NXN: variants seen among roughly 807,000 people sequenced by gnomAD.
NXN encodes the protein nucleoredoxin 1.
A neutral mutation model predicts 48.6 loss-of-function variants in NXN; 16 were observed. The ratio of observed to expected loss-of-function variants is 0.33; its 90% CI spans 0.22 to 0.50. The LOEUF (loss-of-function observed/expected upper bound fraction) is 0.50. NXN is among the 20% of genes least tolerant of loss of function. NXN has a pLI of 0.98. For synonymous variants in NXN, 281 were observed against 269.6 expected, an observed-to-expected ratio of 1.04 and a Z score of -0.41; for missense variants, 492 against 605.5, an observed-to-expected ratio of 0.81 and a Z score of 1.97.
intron 5 of NXN, among the ~76,000 whole-genome samples, chr17:818,701 T>C (rs1376508403): frequency 1.3e-5 from 2 of 152,154 alleles, no homozygotes; most frequent in African/African-American, 4.8e-5. Context: ...CTGGCCAACA[T>C]GGTGAAACCC....
chr17:842,377 G>C (rs1914377443), intron 1 of NXN: 1 of 329,404 alleles, frequency 3.0e-6, no homozygotes, highest in Non-Finnish European at 4.3e-6. Context: ...AGCATGAAAG[G>C]CTAAGAAATG....
intron 1 of NXN, among the ~76,000 whole-genome samples, chr17:902,760 A>G (rs1030883880): frequency 3.4e-5 from 5 of 145,768 alleles, no homozygotes; most frequent in African/African-American, 1.0e-4. Flanking sequence ...TTAACACAAC[A>G]CAATGGCCTC....
At chr17:878,620 G>C (rs924124452) in intron 1 of NXN, among the ~76,000 whole-genome samples, 42 of 152,182 alleles carry the variant, frequency 2.8e-4, no homozygotes, top group African/African-American at 9.6e-4. Context: ...TGAACAACTG[G>C]TACTGTAGCC....
At chr17:846,528 T>A (rs1343024523) in intron 1 of NXN, among the ~76,000 whole-genome samples, 2 of 152,198 alleles carry the variant, frequency 1.3e-5, no homozygotes, top group Non-Finnish European at 2.9e-5. Context: ...GGTGCCCCTT[T>A]GGCCAGTCGC....
chr17:819,224 G>C (rs1912667738), intron 5 of NXN: 1 of 563,180 alleles, frequency 1.8e-6, no homozygotes, highest in South Asian at 1.9e-5. Context: ...TGGGGTTACA[G>C]TGTGAGCTGC....
rs565481309 is a variant in NXN at position 978,571 on chromosome 17, T to A, written c.360+748A>T. 6.6e-6 allele frequency: 1 copy of A among 152,432 alleles called. No homozygotes were observed. Among genetic ancestry groups the A allele is most frequent in the South Asian group, 2.1e-4 (1 of 4,830 alleles). 9.4% of individuals were successfully genotyped at this position (152,432 alleles called of 1,614,324 possible). A position where few individuals can be genotyped will look rare whatever the true frequency, so the allele number is the denominator to read the frequency against. ...GGGCTGTTCCCGCGCCCGGGAGGCGTCTGGGGAGGAGGCTGGACGGCCAGA... is the reference window on the plus strand; with the variant it reads ...GGGCTGTTCCCGCGCCCGGGAGGCGACTGGGGAGGAGGCTGGACGGCCAGA... On this transcript the variant is annotated intron_variant, in intron 1 of 7. Transcript: ENST00000336868. This position sits in a 1 kb window ranked among gnomAD's most constrained non-coding sequence, Gnocchi z 4.1.
At chr17:912,105 T>C (rs2068642341) in intron 1 of NXN, among the ~76,000 whole-genome samples, 1 of 151,892 alleles carries the variant, frequency 6.6e-6, no homozygotes, top group African/African-American at 2.4e-5. Context: ...GCACGGCTAA[T>C]TTTTCTATTT....
chr17:953,556 G>A (rs1253863997), intron 1 of NXN, among the ~76,000 whole-genome samples: 2 of 152,186 alleles, frequency 1.3e-5, no homozygotes, highest in African/African-American at 2.4e-5. Flanking sequence ...GCATAAACCT[G>A]TTAGGATTCT....
intron 7 of NXN, among the ~76,000 whole-genome samples, chr17:801,693 C>T (rs1317646662): frequency 6.6e-6 from 1 of 152,194 alleles, no homozygotes; most frequent in Non-Finnish European, 1.5e-5. Context: ...ATCCGCCTAC[C>T]TTGGCCTCCC....
At chr17:945,890 GGCCAGCAAACCACAGGCT>G (rs150643287) in intron 1 of NXN, among the ~76,000 whole-genome samples, 16,994 of 151,842 alleles carry the variant, frequency 0.11, 1,486 homozygotes, top group East Asian at 0.28. Context: ...TTTAGGGTTA[GGCCAGCAAACCACAGGCT>G]GCCAGCAAAC....
intron 1 of NXN, among the ~76,000 whole-genome samples, chr17:952,149 G>GTA (rs2069119264): frequency 6.6e-6 from 1 of 151,506 alleles, no homozygotes; most frequent in African/African-American, 2.4e-5. Flanking sequence ...GCCACAGGAG[G>GTA]TTGCAGAAAA....
At chr17:806,161 C>T (rs1911497428) in intron 5 of NXN, among the ~76,000 whole-genome samples, 1 of 131,230 alleles carries the variant, frequency 7.6e-6, no homozygotes, top group Non-Finnish European at 1.6e-5. Context: ...GGCTGCAGCC[C>T]CCGCCGTCTG....
chr17:905,278 C>T (rs1053805097), intron 1 of NXN: 5 of 126,512 alleles, frequency 4.0e-5, no homozygotes, highest in East Asian at 2.6e-4. Context: ...TATATAGATG[C>T]CGGGCATGGT....
intron 1 of NXN, among the ~76,000 whole-genome samples, chr17:918,170 C>T (rs182255223): frequency 1.3e-5 from 2 of 152,216 alleles, no homozygotes; most frequent in Non-Finnish European, 2.9e-5. Context: ...CCCAAAACAA[C>T]ACAGCATTTT....
rs1051920773 is a variant in NXN, at chr17:817,615, A to G, written c.820+1824T>C. 6.0e-5 allele frequency among the ~76,000 whole-genome samples: 9 copies of G among 151,150 alleles called. No individual in the cohort carries two copies. The East Asian group carries it at 7.8e-4, about 13-fold the overall frequency. ...ACCCGGGAGGCGGAGCTTGCAGTGAACCAAGATTGCGCCACTGCACTCCAG... is the reference window on the plus strand; with the variant it reads ...ACCCGGGAGGCGGAGCTTGCAGTGAGCCAAGATTGCGCCACTGCACTCCAG... On this transcript the variant is annotated intron_variant, in intron 5 of 7. Coordinates refer to ENST00000336868, the MANE Select transcript of NXN (RefSeq NM_022463.5).
At chr17:931,961 C>T (rs1320956443) in intron 1 of NXN, among the ~76,000 whole-genome samples, 4 of 151,876 alleles carry the variant, frequency 2.6e-5, no homozygotes, top group Admixed American at 6.6e-5. Flanking sequence ...CTGGCCAAGA[C>T]GGTGAAACCC....
At chr17:955,690 A>G (rs147251300) in intron 1 of NXN, among the ~76,000 whole-genome samples, 513 of 150,214 alleles carry the variant, frequency 3.4e-3, no homozygotes, top group Middle Eastern at 0.017. Flanking sequence ...AGGTCAGGAG[A>G]TTGAGACCAT....
intron 5 of NXN, among the ~76,000 whole-genome samples, chr17:811,148 G>A (rs1911971867): frequency 1.3e-5 from 2 of 152,154 alleles, no homozygotes; most frequent in South Asian, 4.1e-4. Context: ...GGCACAGGAG[G>A]GAAGAAGGAA....
At chr17:899,172 C>A (rs1187254022) in intron 1 of NXN, among the ~76,000 whole-genome samples, 3 of 151,916 alleles carry the variant, frequency 2.0e-5, no homozygotes, top group Non-Finnish European at 2.9e-5. Context: ...TGGTCAGGCT[C>A]GTCTTGAACT....
Sources: allele counts gnomAD v4.1 joint callset (sites outside exome capture counted in the v4.1 genomes callset), GRCh38; gene constraint gnomAD v4.1.1; non-coding constraint Gnocchi (gnomAD v3.1); transcripts MANE v1.5; gene names NCBI Gene and HGNC (gene_info 2026-07-23, HGNC 2026-07-21).